Variants in CCR6 observed in about 807,000 individuals in gnomAD.
CCR6 encodes C-C chemokine receptor type 6.
CCR6 carries 2 observed loss-of-function variants against 3.0 expected under a neutral mutation model. The observed-to-expected ratio is 0.66, with a 90% CI of 0.27 to 2.07. The LOEUF (loss-of-function observed/expected upper bound fraction) is 2.07. Ranked by LOEUF, CCR6 falls within the 30% of genes most tolerant of loss-of-function variation. The pLI is 0.14. For missense variants in CCR6, 322 were observed against 462.8 expected (o/e 0.70, Z 2.79); for synonymous variants, 193 against 184.3 (o/e 1.05, Z -0.38).
chr6:167,122,362 TTC>T (rs2114917025), upstream of CCR6, among the ~76,000 whole-genome samples: 1 of 152,340 alleles, frequency 6.6e-6, no homozygotes, highest in Non-Finnish European at 1.5e-5. The surrounding 1 kb of genome is among the most constrained non-coding windows in gnomAD (Gnocchi z 4.2). Flanking sequence ...ACAAATAAAT[TTC>T]TGAGTGACTT....
At chr6:167,130,466 A>G (rs1175127256) in intron 1 of CCR6, among the ~76,000 whole-genome samples, 1 of 151,906 alleles carries the variant, frequency 6.6e-6, no homozygotes, top group Non-Finnish European at 1.5e-5. Flanking sequence ...ATCTGAGATG[A>G]TAGAGCAAGT....
chr6:167,112,499 G>C (rs978840901), intron 1 of CCR6, among the ~76,000 whole-genome samples: 13 of 152,182 alleles, frequency 8.5e-5, no homozygotes, highest in African/African-American at 3.1e-4. Flanking sequence ...CTTTGAAAGA[G>C]CAGTCATCTC....
chr6:167,116,482 G>A (rs908778800), intron 1 of CCR6, among the ~76,000 whole-genome samples: 1 of 152,218 alleles, frequency 6.6e-6, no homozygotes, highest in African/African-American at 2.4e-5. Context: ...ATCCCTGCGG[G>A]GAAATGTGTC....
intron 1 of CCR6, among the ~76,000 whole-genome samples, chr6:167,124,716 T>A (rs1210180483): frequency 6.6e-6 from 1 of 152,036 alleles, no homozygotes; most frequent in African/African-American, 2.4e-5. Flanking sequence ...AAGGGTTTTG[T>A]GAGGTTAAAA....
At chr6:167,112,022 T>C (rs1394676209) in intron 1 of CCR6, 1 of 152,350 alleles carries the variant, frequency 6.6e-6, no homozygotes, top group Non-Finnish European at 1.5e-5. Flanking sequence ...TTGGTAAGTT[T>C]TTTTTTTGTC....
At chr6:167,129,060 C>G (rs1187194899) in intron 1 of CCR6, among the ~76,000 whole-genome samples, 1 of 152,056 alleles carries the variant, frequency 6.6e-6, no homozygotes, top group Non-Finnish European at 1.5e-5. Flanking sequence ...CTTTTTGCCC[C>G]TCTCATCAAT....
chr6:167,131,709 T>C (rs1220881679), intron 1 of CCR6: 3 of 152,662 alleles, frequency 2.0e-5, no homozygotes, highest in African/African-American at 7.2e-5. Flanking sequence ...AAGCTCTTCT[T>C]GCCCCAGAAC....
intron 1 of CCR6, among the ~76,000 whole-genome samples, chr6:167,114,194 C>A (rs1232995582): frequency 6.6e-6 from 1 of 152,262 alleles, no homozygotes; most frequent in Non-Finnish European, 1.5e-5. Context: ...CTCACCTTCC[C>A]TTGATCGGGC....
At position 167,136,090 on chromosome 6, in the gene CCR6, A is replaced by G; in HGVS notation, c.-45A>G. 3 of 1,610,928 alleles carry G rather than the reference A, an allele frequency of 1.9e-6. No homozygotes were observed. Among genetic ancestry groups the G allele is most frequent in the Non-Finnish European group, 2.5e-6 (3 of 1,178,782 alleles). On this transcript the variant is annotated 5_prime_UTR_variant, in exon 2 of 3. Transcript: ENST00000341935. The surrounding 1 kb of genome is among the most constrained non-coding windows in gnomAD (Gnocchi z 4.6). Reference sequence around the variant, plus strand: ...GCCTGTGAGCTGAAGGGGCTGAACCATACACTCCTTTTTCTACAACCAGCT... The same window carrying G: ...GCCTGTGAGCTGAAGGGGCTGAACCGTACACTCCTTTTTCTACAACCAGCT...
upstream of CCR6, chr6:167,122,650 C>T (rs1486476539): frequency 6.6e-6 from 1 of 152,366 alleles, no homozygotes; most frequent in African/African-American, 2.4e-5. This position sits in a 1 kb window ranked among gnomAD's most constrained non-coding sequence, Gnocchi z 4.2. Context: ...AAGAGGAAAC[C>T]GAGGCTTGCT....
chr6:167,132,767 C>G (rs1454390030), intron 1 of CCR6, among the ~76,000 whole-genome samples: 1 of 152,224 alleles, frequency 6.6e-6, no homozygotes, highest in Admixed American at 6.5e-5. Flanking sequence ...TCTCGAACTC[C>G]TGGACTTAAG....
At chr6:167,128,353 G>T (rs1434425373) in intron 1 of CCR6, among the ~76,000 whole-genome samples, 1 of 152,198 alleles carries the variant, frequency 6.6e-6, no homozygotes, top group Non-Finnish European at 1.5e-5. Context: ...GTGCCTCCGC[G>T]CTCTATCTAT....
intron 1 of CCR6, among the ~76,000 whole-genome samples, chr6:167,130,309 C>T (rs545721990): frequency 7.9e-5 from 12 of 151,818 alleles, no homozygotes; most frequent in Non-Finnish European, 1.6e-4. Flanking sequence ...ATCTGCCACT[C>T]GTAGATAACA....
intron 1 of CCR6, among the ~76,000 whole-genome samples, chr6:167,130,975 C>CCCCTCCCCCCGGG (rs1491335734): frequency 7.6e-6 from 1 of 131,192 alleles, no homozygotes; most frequent in Non-Finnish European, 1.6e-5. Flanking sequence ...CCTCTGGGAC[C>CCCCTCCCCCCGGG]ACCCTCCCTC....
intron 1 of CCR6, among the ~76,000 whole-genome samples, chr6:167,133,681 A>G (rs930722019): frequency 1.3e-5 from 2 of 151,662 alleles, no homozygotes; most frequent in East Asian, 1.9e-4. Context: ...TTGTATCTAC[A>G]GATCGATTTG....
At chr6:167,119,830 G>A (rs1011920984), upstream of CCR6, among the ~76,000 whole-genome samples, 4 of 152,116 alleles carry the variant, frequency 2.6e-5, no homozygotes, top group Admixed American at 6.5e-5. Context: ...TGCTGGGCTC[G>A]GTAGTCTATG....
intron 1 of CCR6, among the ~76,000 whole-genome samples, chr6:167,130,941 G>GA (rs1250433525): frequency 6.7e-6 from 1 of 149,942 alleles, no homozygotes; most frequent in African/African-American, 2.5e-5. Flanking sequence ...CACCCTCTGG[G>GA]CCCCCCTCCC....
chr6:167,112,621 T>C (rs1328417268), intron 1 of CCR6, among the ~76,000 whole-genome samples: 1 of 152,110 alleles, frequency 6.6e-6, no homozygotes, highest in Non-Finnish European at 1.5e-5. Flanking sequence ...GGGGTGCTGG[T>C]GGATCTAACA....
rs113115632 is a variant in CCR6, at chr6:167,137,275, G to A, written c.1045G>A (p.Ala349Thr). The A allele has an allele frequency of 6.2e-7, 1 of 1,614,138 alleles. No homozygotes were observed. The change falls in exon 3 of 3, where the codon GCC becomes ACC. Residue 349 changes from alanine to threonine, a missense_variant. Transcript: ENST00000341935. The surrounding 1 kb of genome is among the most constrained non-coding windows in gnomAD (Gnocchi z 4.6). Reference sequence around the variant, plus strand: ...GTACAAGTCCTCAGGCTTCTCCTGTGCCGGGAGGTACTCAGAAAACATTTC... The same window carrying A: ...GTACAAGTCCTCAGGCTTCTCCTGTACCGGGAGGTACTCAGAAAACATTTC... ...RKYKSSGFSC[A>T]GRYSENISRQ...
Sources: allele counts gnomAD v4.1 joint callset (sites outside exome capture counted in the v4.1 genomes callset), GRCh38; gene constraint gnomAD v4.1.1; non-coding constraint Gnocchi (gnomAD v3.1); transcripts MANE v1.5; gene names NCBI Gene and HGNC (gene_info 2026-07-23, HGNC 2026-07-21).